The following RBFOX1 variants were observed in gnomAD, a reference collection of about 807,000 sequenced individuals.
RBFOX1 encodes the protein RNA binding protein fox-1 homolog 1.
In RBFOX1, 8 loss-of-function variants were observed where a neutral mutation model predicts 57.7. That is an observed-to-expected ratio of 0.14 (90% confidence interval 0.08 to 0.25). The LOEUF is 0.25. RBFOX1 is among the 10% of genes least tolerant of loss of function. RBFOX1 has a pLI of 1.00. For missense variants in RBFOX1, 611 were observed against 548.5 expected (o/e 1.11, Z -1.14); for synonymous variants, 326 against 222.4 (o/e 1.47, Z -4.15).
At chr16:7,552,526 C>A (rs982208261) in intron 5 of RBFOX1, among the ~76,000 whole-genome samples, 3 of 152,114 alleles carry the variant, frequency 2.0e-5, no homozygotes, top group African/African-American at 7.2e-5. Flanking sequence ...GATAATGATG[C>A]TTTCTAAGGC....
intron 1 of RBFOX1, among the ~76,000 whole-genome samples, chr16:5,279,806 T>G (rs1267022525): frequency 1.3e-5 from 2 of 152,186 alleles, no homozygotes; most frequent in African/African-American, 2.4e-5. Context: ...GCAGCCTAAT[T>G]TATCCATTTT....
chr16:6,963,059 C>T (rs981960229), intron 3 of RBFOX1, among the ~76,000 whole-genome samples: 14 of 152,074 alleles, frequency 9.2e-5, no homozygotes, highest in Admixed American at 5.2e-4. Context: ...GTGAACTGCC[C>T]AAGTCAAATG....
At position 7,691,041 on chromosome 16, in the gene RBFOX1, T is replaced by C. The variant is rs192969224; in HGVS notation, c.995+14203T>C. 4.7e-3 allele frequency among the ~76,000 whole-genome samples: 712 copies of C among 152,274 alleles called. 8 individuals are homozygous for C. Among genetic ancestry groups the C allele is most frequent in the Non-Finnish European group, 8.7e-3 (595 of 68,012 alleles). Reference sequence around the variant, plus strand: ...AGATTGAATTCATGGAATTAATTAATGAACTCTATAGAAAGGCACTTTCTG... The same window carrying C: ...AGATTGAATTCATGGAATTAATTAACGAACTCTATAGAAAGGCACTTTCTG... On this transcript the variant is annotated intron_variant, in intron 14 of 15. Coordinates refer to ENST00000550418, the MANE Select transcript of RBFOX1 (RefSeq NM_018723.4).
At chr16:6,841,428 T>G (rs1237123749) in intron 3 of RBFOX1, among the ~76,000 whole-genome samples, 1 of 152,164 alleles carries the variant, frequency 6.6e-6, no homozygotes, top group African/African-American at 2.4e-5. Flanking sequence ...TTTCCATAAT[T>G]TTTTTCTTTT....
intron 4 of RBFOX1, among the ~76,000 whole-genome samples, chr16:5,890,338 G>C (rs146347345): frequency 6.6e-6 from 1 of 152,294 alleles, no homozygotes; most frequent in East Asian, 1.9e-4. Flanking sequence ...AGTGAAGCTA[G>C]CGATAATTTC....
chr16:6,701,316 C>A (rs1320439885), intron 3 of RBFOX1, among the ~76,000 whole-genome samples: 1 of 152,218 alleles, frequency 6.6e-6, no homozygotes, highest in Non-Finnish European at 1.5e-5. Flanking sequence ...GCTGACGTCA[C>A]CCCCTGCAGC....
At chr16:7,520,433 C>G (rs946539141) in intron 5 of RBFOX1, among the ~76,000 whole-genome samples, 7 of 152,150 alleles carry the variant, frequency 4.6e-5, no homozygotes, top group African/African-American at 1.7e-4. Flanking sequence ...CCCATTCTCC[C>G]TCTCCCCGGC....
intron 4 of RBFOX1, among the ~76,000 whole-genome samples, chr16:7,089,704 C>A (rs974252778): frequency 2.6e-5 from 4 of 152,126 alleles, no homozygotes; most frequent in Admixed American, 2.6e-4. Context: ...CCTTCCACAT[C>A]CGAAAAACTT....
At chr16:7,368,095 C>G (rs2097494964) in intron 4 of RBFOX1, among the ~76,000 whole-genome samples, 1 of 151,954 alleles carries the variant, frequency 6.6e-6, no homozygotes, top group African/African-American at 2.4e-5. Context: ...AATGAAACCC[C>G]ATCTTTACTA....
At chr16:5,895,673 C>G (rs1205555957) in intron 4 of RBFOX1, among the ~76,000 whole-genome samples, 1 of 152,188 alleles carries the variant, frequency 6.6e-6, no homozygotes, top group African/African-American at 2.4e-5. Context: ...CAATTTAACT[C>G]TTGCAGACTT....
intron 3 of RBFOX1, among the ~76,000 whole-genome samples, chr16:5,858,609 G>A (rs1459847857): frequency 6.6e-6 from 1 of 152,176 alleles, no homozygotes. Flanking sequence ...GTTACAAGCT[G>A]CCAGAATTTT....
At chr16:6,993,115 T>C (rs2091764314) in intron 3 of RBFOX1, among the ~76,000 whole-genome samples, 1 of 152,222 alleles carries the variant, frequency 6.6e-6, no homozygotes, top group East Asian at 1.9e-4. Flanking sequence ...TTTGGTTCTG[T>C]GTAGGATCCA....
At chr16:6,763,924 C>G (rs376423939) in intron 3 of RBFOX1, among the ~76,000 whole-genome samples, 1 of 152,154 alleles carries the variant, frequency 6.6e-6, no homozygotes, top group Non-Finnish European at 1.5e-5. Flanking sequence ...TGTATATGTC[C>G]TATGGTTCCC....
At chr16:7,673,362 G>T (rs1168942539) in intron 13 of RBFOX1, among the ~76,000 whole-genome samples, 10 of 152,080 alleles carry the variant, frequency 6.6e-5, no homozygotes, top group Non-Finnish European at 2.9e-5. Flanking sequence ...GTTTGGTTGT[G>T]GAAATTTTCC....
rs2054542816 is a variant in RBFOX1, at chr16:5,787,470, T to TA, written c.319-79832dup. Among the ~76,000 whole-genome samples, 3 of 152,178 alleles carry TA rather than the reference T, an allele frequency of 2.0e-5. No individual in the cohort carries two copies. The South Asian group carries it at 6.2e-4, about 32-fold the overall frequency. ...AAGTCACTGTAGTTTGCAGTGGGCT[T>TA]ACCTCATGCTTAGCCATGAGGGGAT... is the stretch of plus-strand genomic sequence containing the variant. On this transcript the variant is annotated intron_variant, in intron 3 of 19. Transcript: ENST00000641259.
intron 3 of RBFOX1, among the ~76,000 whole-genome samples, chr16:6,832,430 T>A (rs1166672670): frequency 6.6e-6 from 1 of 152,196 alleles, no homozygotes. Flanking sequence ...GCATTACTCA[T>A]ATTTGCGATG....
At chr16:6,251,292 C>T (rs959390133) in intron 1 of RBFOX1, among the ~76,000 whole-genome samples, 2 of 152,088 alleles carry the variant, frequency 1.3e-5, no homozygotes, top group Non-Finnish European at 2.9e-5. Flanking sequence ...CTGCACAGCA[C>T]CCTTGATATT....
intron 1 of RBFOX1, among the ~76,000 whole-genome samples, chr16:6,170,796 C>A (rs2096954601): frequency 6.6e-6 from 1 of 152,072 alleles, no homozygotes; most frequent in Admixed American, 6.6e-5. Context: ...TTATCTGTGT[C>A]CCTGTGTTCT....
chr16:6,413,640 C>A (rs895820505), intron 2 of RBFOX1, among the ~76,000 whole-genome samples: 2 of 152,134 alleles, frequency 1.3e-5, no homozygotes, highest in South Asian at 2.1e-4. Flanking sequence ...TGAAAAGATT[C>A]TAAATAAAGA....
Sources: gnomAD v4.1 joint callset for allele counts (sites outside exome capture counted in the v4.1 genomes callset) on GRCh38, gnomAD v4.1.1 for gene constraint, MANE v1.5 for transcripts, NCBI Gene and HGNC (gene_info 2026-07-23, HGNC 2026-07-21) for gene names.